C1orf21: variants seen among roughly 807,000 people sequenced by gnomAD.
C1orf21 encodes the protein chromosome 1 open reading frame 21, also known as uncharacterized protein C1orf21.
C1orf21 carries 3 observed loss-of-function variants against 18.7 expected under a neutral mutation model. That is an observed-to-expected ratio of 0.16 (90% CI 0.07 to 0.42). C1orf21 has a LOEUF of 0.42. Among genes scored for constraint, C1orf21 ranks in the 10% least tolerant of loss-of-function variants. The pLI, the probability that C1orf21 is intolerant of heterozygous loss-of-function variation, is 0.99. For missense variants in C1orf21, 104 were observed against 143.6 expected (o/e 0.72, Z 1.41); for synonymous variants, 41 against 46.4 (o/e 0.88, Z 0.47).
chr1:184,415,417 A>G (rs1323523134), intron 1 of C1orf21, among the ~76,000 whole-genome samples: 2 of 152,166 alleles, frequency 1.3e-5, no homozygotes, highest in Non-Finnish European at 2.9e-5. Context: ...GGTTTTACTA[A>G]CAGATAATCT....
chr1:184,577,661 T>G (rs1457348466), intron 3 of C1orf21, among the ~76,000 whole-genome samples: 1 of 152,124 alleles, frequency 6.6e-6, no homozygotes, highest in Non-Finnish European at 1.5e-5. Flanking sequence ...TAACTTTTTG[T>G]TTTTAGCTTT....
At chr1:184,450,573 T>C (rs542807003) in intron 1 of C1orf21, among the ~76,000 whole-genome samples, 1 of 152,314 alleles carries the variant, frequency 6.6e-6, no homozygotes, top group South Asian at 2.1e-4. Flanking sequence ...CACAAAAGCG[T>C]ACACAACACA....
intron 3 of C1orf21, among the ~76,000 whole-genome samples, chr1:184,572,453 G>C (rs1429430981): frequency 6.6e-6 from 1 of 152,212 alleles, no homozygotes; most frequent in African/African-American, 2.4e-5. Context: ...GACAGCAGAT[G>C]TAGCACTCAC....
intron 1 of C1orf21, among the ~76,000 whole-genome samples, chr1:184,416,664 A>G (rs1391862987): frequency 1.3e-5 from 2 of 152,192 alleles, no homozygotes; most frequent in African/African-American, 4.8e-5. Flanking sequence ...ATTACTCAGC[A>G]TGATCACCTA....
At chr1:184,566,643 G>A (rs1571280517) in intron 3 of C1orf21, 1 of 386,022 alleles carries the variant, frequency 2.6e-6, no homozygotes, top group Admixed American at 3.1e-5. Flanking sequence ...GCTCTTTTGG[G>A]GCATAGTATG....
chr1:184,605,646 G>T (rs1054927122), intron 5 of C1orf21, among the ~76,000 whole-genome samples: 1 of 152,202 alleles, frequency 6.6e-6, no homozygotes, highest in Non-Finnish European at 1.5e-5. Context: ...AAGAGCCCAT[G>T]CTTCAAACCT....
At position 184,621,703 on chromosome 1, in the gene C1orf21, G is replaced by A. The variant is rs1250707268; in HGVS notation, c.*2147G>A. On this transcript the variant is annotated 3_prime_UTR_variant, in exon 6 of 6. Coordinates refer to ENST00000235307, the MANE Select transcript of C1orf21 (RefSeq NM_030806.4). ...AACATGCTCATGTCATTTTTCTCATGGTCACATTTAACAGTTTTGACATGT... is the reference window on the plus strand; with the variant it reads ...AACATGCTCATGTCATTTTTCTCATAGTCACATTTAACAGTTTTGACATGT... 2.0e-5 allele frequency: 3 copies of A among 152,144 alleles called. No individual in the cohort carries two copies. Among genetic ancestry groups the A allele is most frequent in the African/African-American group, 7.2e-5 (3 of 41,404 alleles). The allele number at this position is 152,144 out of a possible 1,614,324, so 9.4% of individuals were successfully genotyped here.
intron 3 of C1orf21, among the ~76,000 whole-genome samples, chr1:184,559,052 A>T (rs1339541882): frequency 6.6e-6 from 1 of 152,198 alleles, no homozygotes; most frequent in East Asian, 1.9e-4. Context: ...TAAAATGTGG[A>T]TAGGGAGTCC....
chr1:184,414,213 C>T (rs1338258884), intron 1 of C1orf21, among the ~76,000 whole-genome samples: 2 of 152,126 alleles, frequency 1.3e-5, no homozygotes, highest in African/African-American at 4.8e-5. Context: ...CTCACCGTGG[C>T]CTCGACTCCC....
chr1:184,589,384 T>C (rs1428622118), intron 3 of C1orf21, among the ~76,000 whole-genome samples: 1 of 152,250 alleles, frequency 6.6e-6, no homozygotes, highest in Non-Finnish European at 1.5e-5. Context: ...CAGTATTTGC[T>C]GAGTGCCGCT....
At chr1:184,554,502 G>A (rs189675166) in intron 3 of C1orf21, among the ~76,000 whole-genome samples, 32 of 152,214 alleles carry the variant, frequency 2.1e-4, no homozygotes, top group South Asian at 6.2e-4. Flanking sequence ...TACAATAAAA[G>A]GAAATTTTGC....
intron 2 of C1orf21, among the ~76,000 whole-genome samples, chr1:184,485,190 A>G (rs1295874343): frequency 1.3e-5 from 2 of 152,188 alleles, no homozygotes; most frequent in African/African-American, 4.8e-5. Context: ...ACATGTGGCT[A>G]TTGAGCATGA....
intron 1 of C1orf21, among the ~76,000 whole-genome samples, chr1:184,416,069 C>T (rs1227043927): frequency 6.6e-6 from 1 of 152,166 alleles, no homozygotes; most frequent in Non-Finnish European, 1.5e-5. Flanking sequence ...CAAACCACAT[C>T]TTCATAGGAA....
intron 3 of C1orf21, among the ~76,000 whole-genome samples, chr1:184,575,903 C>T (rs1659182820): frequency 6.6e-6 from 1 of 151,924 alleles, no homozygotes; most frequent in South Asian, 2.1e-4. Context: ...ACCCTCTTGC[C>T]TGTTGGGCCA....
intron 3 of C1orf21, among the ~76,000 whole-genome samples, chr1:184,582,624 C>T (rs922559521): frequency 4.6e-5 from 7 of 152,208 alleles, no homozygotes; most frequent in African/African-American, 1.7e-4. Context: ...TGAGATTCCT[C>T]TCCAGACTAT....
In C1orf21 at chr1:184,577,950, T is replaced by TTG. The variant is rs199595404; in HGVS notation, c.190-12788_190-12787insGT. Among the ~76,000 whole-genome samples, 422 of 122,074 alleles carry TTG rather than the reference T, an allele frequency of 3.5e-3. 17 individuals are homozygous for TTG. Among genetic ancestry groups the TTG allele is most frequent in the East Asian group, 0.031 (128 of 4,176 alleles). 80.1% of individuals were successfully genotyped at this position (122,074 alleles called of 152,430 possible). ...TTGTCCGTTTGTTTTTTGTTTTGTT[T>TTG]TTGTTTTTTTTTTTTTTTTTTGAGA... On this transcript the variant is annotated intron_variant, in intron 3 of 5. Coordinates refer to ENST00000235307, the MANE Select transcript of C1orf21 (RefSeq NM_030806.4).
intron 3 of C1orf21, among the ~76,000 whole-genome samples, chr1:184,548,297 G>T (rs1169460783): frequency 3.3e-5 from 5 of 151,428 alleles, no homozygotes; most frequent in African/African-American, 1.2e-4. Context: ...GCATGGGCTG[G>T]TTAAATTGGC....
At chr1:184,395,968 C>T (rs1033297861) in intron 1 of C1orf21, among the ~76,000 whole-genome samples, 5 of 152,128 alleles carry the variant, frequency 3.3e-5, no homozygotes, top group Non-Finnish European at 7.3e-5. Context: ...ACTGTACACT[C>T]ATAGACCAAT....
chr1:184,414,450 G>A (rs549449024), intron 1 of C1orf21, among the ~76,000 whole-genome samples: 2 of 152,240 alleles, frequency 1.3e-5, no homozygotes, highest in African/African-American at 2.4e-5. Flanking sequence ...AGACCCTGGG[G>A]AACCCATCTT....
Sources: allele counts gnomAD v4.1 joint callset (sites outside exome capture counted in the v4.1 genomes callset), GRCh38; gene constraint gnomAD v4.1.1; transcripts MANE v1.5; gene names NCBI Gene and HGNC (gene_info 2026-07-23, HGNC 2026-07-21).